The following SLC25A42 variants were observed in gnomAD, a reference collection of about 807,000 sequenced individuals.
SLC25A42 encodes mitochondrial coenzyme A transporter SLC25A42.
In SLC25A42, 19 loss-of-function variants were observed where a neutral mutation model predicts 34.7. The observed-to-expected ratio is 0.55, with a 90% CI of 0.38 to 0.80. SLC25A42 has a LOEUF of 0.80. SLC25A42 is among the 30% of genes least tolerant of loss of function. The pLI is 0.00. For missense variants in SLC25A42, 364 were observed against 441.3 expected (o/e 0.82, Z 1.57); for synonymous variants, 205 against 191.2 (o/e 1.07, Z -0.59).
At chr19:19,105,486 G>C in intron 4 of SLC25A42, 75 bp from the exon 5 acceptor site, 1 of 1,539,844 alleles carries the variant, frequency 6.5e-7, no homozygotes, top group Non-Finnish European at 8.8e-7. Flanking sequence ...CACTTTGGGC[G>C]CTCTGCTGGT....
At chr19:19,065,945 C>G (rs1275391168) in intron 1 of SLC25A42, among the ~76,000 whole-genome samples, 1 of 151,640 alleles carries the variant, frequency 6.6e-6, no homozygotes, top group Non-Finnish European at 1.5e-5. Context: ...CAACCTCTGC[C>G]TCCTGGGTTC....
Position 19,101,317 on chromosome 19 carries a change from G to A in SLC25A42, c.82-464G>A, listed in dbSNP as rs532791655. On this transcript the variant is annotated intron_variant, in intron 2 of 7. Coordinates refer to ENST00000318596, the MANE Select transcript of SLC25A42 (RefSeq NM_178526.5). ...GATGCCTACCTCTGGAGTCCTGATC[G>A]GAAGTTGTGGGAAGGGACACGCTGA... Among the ~76,000 whole-genome samples the A allele has an allele frequency of 2.0e-4, 31 of 152,220 alleles. No individual in the cohort carries two copies. In the South Asian group the frequency reaches 5.8e-3, roughly 29 times the overall value.
intron 1 of SLC25A42, among the ~76,000 whole-genome samples, chr19:19,068,593 G>A (rs748534906): frequency 7.2e-5 from 11 of 151,934 alleles, no homozygotes; most frequent in South Asian, 2.1e-4. Flanking sequence ...GCTTAAACCC[G>A]GGAGGCGGAG....
intron 1 of SLC25A42, among the ~76,000 whole-genome samples, chr19:19,079,334 G>C (rs537262502): frequency 1.3e-5 from 2 of 152,164 alleles, no homozygotes; most frequent in East Asian, 1.9e-4. Flanking sequence ...GGAATTATAG[G>C]TGTGAGCCAC....
At chr19:19,068,171 T>C (rs1474416816) in intron 1 of SLC25A42, among the ~76,000 whole-genome samples, 2 of 151,016 alleles carry the variant, frequency 1.3e-5, no homozygotes, top group African/African-American at 4.9e-5. Flanking sequence ...ATGACCAACA[T>C]GGTGAAACCC....
chr19:19,111,769 G>A lies in SLC25A42; in HGVS notation c.*893G>A, dbSNP rs1160134851. 2.0e-5 allele frequency: 3 copies of A among 152,368 alleles called. No individual in the cohort carries two copies. The highest frequency in any genetic ancestry group is 4.4e-5 in the Non-Finnish European group (3 of 68,136). 9.4% of individuals were successfully genotyped at this position (152,368 alleles called of 1,614,324 possible). Reference sequence around the variant, plus strand: ...TAGCATCTCAGTGCCCCAACCCTCTGCCCAGCTGTGGTATCCAGCAGGTCC... The same window carrying A: ...TAGCATCTCAGTGCCCCAACCCTCTACCCAGCTGTGGTATCCAGCAGGTCC... On this transcript the variant is annotated 3_prime_UTR_variant, in exon 8 of 8. Transcript: ENST00000318596.
chr19:19,079,744 A>G (rs2059671967), intron 1 of SLC25A42, among the ~76,000 whole-genome samples: 1 of 151,832 alleles, frequency 6.6e-6, no homozygotes, highest in Non-Finnish European at 1.5e-5. Context: ...TGTTGTTGCT[A>G]TTGTTTCTAT....
In SLC25A42 at chr19:19,112,127, C is replaced by T. The variant is rs547862094; in HGVS notation, c.*1251C>T. ...TTTTGGTTTTCAACTTGGCTGACCC[C>T]GGGTCTATGATCTATTCACATCGAA... On this transcript the variant is annotated 3_prime_UTR_variant, in exon 8 of 8. Coordinates refer to ENST00000318596, the MANE Select transcript of SLC25A42 (RefSeq NM_178526.5). This position sits in a 1 kb window ranked among gnomAD's most constrained non-coding sequence, Gnocchi z 4.3. The T allele has an allele frequency of 1.3e-5, 2 of 152,228 alleles. No homozygotes were observed. Among genetic ancestry groups the T allele is most frequent in the African/African-American group, 2.4e-5 (1 of 41,444 alleles). 9.4% of individuals were successfully genotyped at this position (152,228 alleles called of 1,614,324 possible). A position where few individuals can be genotyped will look rare whatever the true frequency, so the allele number is the denominator to read the frequency against.
intron 2 of SLC25A42, 112 bp from the exon 3 acceptor site, chr19:19,101,669 G>T (rs982667411): frequency 1.1e-6 from 1 of 896,348 alleles, no homozygotes; most frequent in Non-Finnish European, 1.7e-6. Flanking sequence ...CTCAGGGTGG[G>T]GTACATCCCT....
At chr19:19,103,546 T>C (rs564891915) in intron 3 of SLC25A42, among the ~76,000 whole-genome samples, 12 of 152,334 alleles carry the variant, frequency 7.9e-5, no homozygotes, top group Non-Finnish European at 1.5e-4. Flanking sequence ...GACATAGCTT[T>C]TCAGAGGACA....
chr19:19,086,446 TAA>T (rs1476570484), intron 1 of SLC25A42, among the ~76,000 whole-genome samples: 2 of 152,126 alleles, frequency 1.3e-5, no homozygotes, highest in Non-Finnish European at 2.9e-5. Context: ...GAGAAATTAT[TAA>T]GTTTCCTGTG....
chr19:19,091,809 C>G (rs2059739612), intron 1 of SLC25A42, among the ~76,000 whole-genome samples: 1 of 151,728 alleles, frequency 6.6e-6, no homozygotes, highest in Admixed American at 6.6e-5. Flanking sequence ...ACCAGGAGGT[C>G]GAGGCTATAG....
chr19:19,101,382 C>A (rs1354787856), intron 2 of SLC25A42, among the ~76,000 whole-genome samples: 2 of 152,144 alleles, frequency 1.3e-5, no homozygotes, highest in Non-Finnish European at 2.9e-5. Context: ...CCACTGCCAA[C>A]CCCCTGACCC....
chr19:19,088,362 C>T (rs922846369), intron 1 of SLC25A42, among the ~76,000 whole-genome samples: 6 of 151,900 alleles, frequency 3.9e-5, no homozygotes, highest in Admixed American at 6.6e-5. Flanking sequence ...CCCGCCACCA[C>T]GCCTGGCTAA....
rs746928378 is a variant in SLC25A42 at position 19,113,005 on chromosome 19, T to G, written c.*2129T>G. 4 of 151,232 alleles carry G rather than the reference T, an allele frequency of 2.6e-5. No homozygotes were observed. Among genetic ancestry groups the G allele is most frequent in the Non-Finnish European group, 5.9e-5 (4 of 67,906 alleles). 9.4% of individuals were successfully genotyped at this position (151,232 alleles called of 1,614,324 possible). A position where few individuals can be genotyped will look rare whatever the true frequency, so the allele number is the denominator to read the frequency against. On this transcript the variant is annotated 3_prime_UTR_variant, in exon 8 of 8. Transcript: ENST00000318596. ...GTGATAAAAGTTCTGAATAAAAGTC[T>G]TGAATAAAGAAGTTTTTAAATGCAA...
At chr19:19,080,342 A>C (rs1397541349) in intron 1 of SLC25A42, among the ~76,000 whole-genome samples, 2 of 152,136 alleles carry the variant, frequency 1.3e-5, no homozygotes, top group Non-Finnish European at 2.9e-5. Context: ...TTTAGGGATA[A>C]GGACAGCCCC....
chr19:19,074,702 AGT>A (rs1296358796), intron 1 of SLC25A42, among the ~76,000 whole-genome samples: 4 of 151,246 alleles, frequency 2.6e-5, no homozygotes, highest in South Asian at 2.1e-4. Context: ...TGTGTGAGAG[AGT>A]GTGTGTGTGC....
intron 1 of SLC25A42, among the ~76,000 whole-genome samples, chr19:19,065,338 A>G (rs2059596347): frequency 1.3e-5 from 2 of 152,120 alleles, no homozygotes; most frequent in Admixed American, 1.3e-4. Flanking sequence ...CTTGAAGCCG[A>G]TAAAGAGTAA....
Position 19,105,560 on chromosome 19 carries a change from G to T in SLC25A42, c.214-1G>T. On this transcript the variant is annotated splice_acceptor_variant, in intron 4 of 7. Transcript: ENST00000318596. LOFTEE classifies it high-confidence loss of function. Reference sequence around the variant, plus strand: ...ATGTTGACCTTCCCGCTTATCTCCAGGAGGCCTTCCGGGTCCTCTACTACA... The same window carrying T: ...ATGTTGACCTTCCCGCTTATCTCCATGAGGCCTTCCGGGTCCTCTACTACA... The T allele has an allele frequency of 1.2e-6, 2 of 1,610,530 alleles. No homozygotes were observed. The highest frequency in any genetic ancestry group is 1.7e-6 in the Non-Finnish European group (2 of 1,177,348).
Sources: allele counts gnomAD v4.1 joint callset (sites outside exome capture counted in the v4.1 genomes callset), GRCh38; gene constraint gnomAD v4.1.1; non-coding constraint Gnocchi (gnomAD v3.1); transcripts MANE v1.5; gene names NCBI Gene and HGNC (gene_info 2026-07-23, HGNC 2026-07-21).